SEMA3A: variants seen among roughly 807,000 people sequenced by gnomAD.
SEMA3A encodes semaphorin 3A.
SEMA3A carries 29 observed loss-of-function variants against 97.9 expected under a neutral mutation model. That is an observed-to-expected ratio of 0.30 (90% CI 0.22 to 0.40). The LOEUF is 0.40. Ranked by LOEUF, SEMA3A falls within the 10% of genes least tolerant of loss-of-function variation. SEMA3A has a pLI of 1.00. For synonymous variants in SEMA3A, 321 were observed against 323.7 expected, an observed-to-expected ratio of 0.99 and a Z score of 0.09; for missense variants, 763 against 951.3, an observed-to-expected ratio of 0.80 and a Z score of 2.60.
chr7:84,161,958 G>A (rs1326524538), intron 1 of SEMA3A, among the ~76,000 whole-genome samples: 3 of 151,988 alleles, frequency 2.0e-5, no homozygotes, highest in African/African-American at 7.3e-5. Context: ...AAAACTGCTT[G>A]GCTCTGCAAT....
At chr7:84,335,835 G>A (rs1802024465) in intron 2 of SEMA3A, among the ~76,000 whole-genome samples, 1 of 151,978 alleles carries the variant, frequency 6.6e-6, no homozygotes, top group Non-Finnish European at 1.5e-5. Context: ...ATTAAAAGGT[G>A]AAAGGAACTT....
intron 2 of SEMA3A, among the ~76,000 whole-genome samples, chr7:84,348,697 T>C (rs978031621): frequency 1.3e-5 from 2 of 152,160 alleles, no homozygotes; most frequent in African/African-American, 4.8e-5. Flanking sequence ...AAACGTTCTG[T>C]ATTTTGGCCA....
intron 12 of SEMA3A, among the ~76,000 whole-genome samples, chr7:83,992,016 C>CAGAG (rs1434245420): frequency 7.2e-6 from 1 of 139,772 alleles, no homozygotes; most frequent in African/African-American, 2.7e-5. Context: ...TTGGTCTATT[C>CAGAG]AGAGATTCAA....
intron 1 of SEMA3A, among the ~76,000 whole-genome samples, chr7:84,444,036 G>A (rs1805342350): frequency 6.6e-6 from 1 of 151,672 alleles, no homozygotes; most frequent in Non-Finnish European, 1.5e-5. Context: ...ACAGGCACCT[G>A]CCACCATACC....
chr7:84,423,781 T>G (rs1804666841), intron 1 of SEMA3A, among the ~76,000 whole-genome samples: 1 of 151,918 alleles, frequency 6.6e-6, no homozygotes, highest in South Asian at 2.1e-4. Context: ...ATCCAGAATC[T>G]ACAAGAAACT....
At chr7:84,193,025 T>C (rs1217875828) in intron 1 of SEMA3A, among the ~76,000 whole-genome samples, 1 of 151,874 alleles carries the variant, frequency 6.6e-6, no homozygotes, top group African/African-American at 2.4e-5. Context: ...TTAAAGACAG[T>C]TACTAAATTA....
intron 2 of SEMA3A, among the ~76,000 whole-genome samples, chr7:84,369,421 C>T (rs114239252): frequency 0.016 from 2,434 of 150,908 alleles, 63 homozygotes; most frequent in African/African-American, 0.055. Context: ...AGAACAAAGG[C>T]GATACTGTTT....
chr7:84,448,499 A>C (rs1035904327), intron 1 of SEMA3A, among the ~76,000 whole-genome samples: 1 of 152,130 alleles, frequency 6.6e-6, no homozygotes, highest in African/African-American at 2.4e-5. Context: ...CTATACACTA[A>C]CAGTGACTAA....
chr7:84,333,917 T>C (rs1801967079), intron 2 of SEMA3A, among the ~76,000 whole-genome samples: 1 of 152,142 alleles, frequency 6.6e-6, no homozygotes, highest in Non-Finnish European at 1.5e-5. Flanking sequence ...AAAGAAGAGA[T>C]GTAGTTTTCA....
chr7:84,046,199 TCAC>T, intron 6 of SEMA3A, 122 bp downstream of exon 6: 1 of 1,066,222 alleles, frequency 9.4e-7, no homozygotes, highest in South Asian at 1.8e-5. Flanking sequence ...CATCATGAAG[TCAC>T]CACCATTAGC....
intron 1 of SEMA3A, among the ~76,000 whole-genome samples, chr7:84,408,280 C>A (rs1302014250): frequency 2.0e-5 from 3 of 152,068 alleles, no homozygotes; most frequent in Admixed American, 6.6e-5. Flanking sequence ...CAGCCAAAAA[C>A]CACATGAAAA....
chr7:84,129,924 G>T (rs903791969), intron 2 of SEMA3A, among the ~76,000 whole-genome samples: 5 of 151,906 alleles, frequency 3.3e-5, no homozygotes, highest in African/African-American at 1.2e-4. Flanking sequence ...GTCCCATATT[G>T]TGTGAATACA....
rs80024239 is a variant in SEMA3A at position 84,219,171 on chromosome 7, C to A, written c.-82-24503G>T. 6.1e-3 allele frequency among the ~76,000 whole-genome samples: 925 copies of A among 152,048 alleles called. 43 individuals carry two copies. The East Asian group carries it at 0.12, about 19-fold the overall frequency. ...TCATCTTCAATAAAAATTAAAAGGA[C>A]CTTTACTAAAGATACTTAATTATTT... On this transcript the variant is annotated intron_variant, in intron 3 of 3. Transcript: ENST00000424555.
At chr7:84,340,964 T>A (rs1025247370) in intron 2 of SEMA3A, among the ~76,000 whole-genome samples, 1 of 152,082 alleles carries the variant, frequency 6.6e-6, no homozygotes, top group Non-Finnish European at 1.5e-5. Context: ...AAATAGTAAT[T>A]AGTAATAATC....
intron 1 of SEMA3A, among the ~76,000 whole-genome samples, chr7:84,435,563 G>A (rs920412266): frequency 1.3e-5 from 2 of 152,058 alleles, no homozygotes; most frequent in Non-Finnish European, 2.9e-5. Flanking sequence ...AGCCAAGATC[G>A]GGCCAATGCC....
At chr7:84,034,203 C>T (rs1056563197) in intron 6 of SEMA3A, among the ~76,000 whole-genome samples, 1 of 152,016 alleles carries the variant, frequency 6.6e-6, no homozygotes. Context: ...AGGCTGGTCT[C>T]GAACTACTGA....
chr7:84,041,872 C>T (rs909601267), intron 6 of SEMA3A, among the ~76,000 whole-genome samples: 6 of 151,926 alleles, frequency 3.9e-5, no homozygotes, highest in Admixed American at 1.3e-4. Flanking sequence ...ATGACATCAT[C>T]GTTAAGTCTG....
intron 15 of SEMA3A, among the ~76,000 whole-genome samples, chr7:83,965,538 A>G (rs1019038142): frequency 6.7e-6 from 1 of 148,456 alleles, no homozygotes; most frequent in Non-Finnish European, 1.5e-5. Context: ...AAATCCTTCA[A>G]TACATTAATT....
chr7:84,433,086 T>G (rs1207190444), intron 1 of SEMA3A, among the ~76,000 whole-genome samples: 1 of 151,780 alleles, frequency 6.6e-6, no homozygotes, highest in African/African-American at 2.4e-5. Flanking sequence ...TTATTATTAT[T>G]ATTATTATAC....
Sources: allele counts gnomAD v4.1 joint callset (sites outside exome capture counted in the v4.1 genomes callset), GRCh38; gene constraint gnomAD v4.1.1; transcripts MANE v1.5; gene names NCBI Gene and HGNC (gene_info 2026-07-23, HGNC 2026-07-21).